The following PCDHGA3 variants were observed in gnomAD, a reference collection of about 807,000 sequenced individuals.
PCDHGA3 encodes the protein protocadherin gamma subfamily A, 3, also known as protocadherin gamma-A3.
Under a neutral mutation model 58.5 loss-of-function variants are expected in PCDHGA3, and 40 were observed. The observed-to-expected ratio is 0.68, with a 90% CI of 0.53 to 0.89. PCDHGA3 has a LOEUF of 0.89. Ranked by LOEUF, PCDHGA3 falls within the 40% of genes least tolerant of loss-of-function variation. The probability of loss-of-function intolerance (pLI) is 0.00; values close to 1 mark genes in which losing one functional copy is unlikely to be tolerated. For synonymous variants in PCDHGA3, 530 were observed against 525.7 expected (o/e 1.01, Z -0.11); for missense variants, 1,223 against 1,195.9 (o/e 1.02, Z -0.33).
At chr5:141,366,229 G>T in intron 1 of PCDHGA3, 1 of 1,613,808 alleles carries the variant, frequency 6.2e-7, no homozygotes, top group South Asian at 1.1e-5. Context: ...GAGCCCTGCT[G>T]GACAGAGACG....
rs780664832 is a variant in PCDHGA3 at position 141,422,982 on chromosome 5, T to C, written c.2425-71825T>C. On this transcript the variant is annotated intron_variant, in intron 1 of 3. Coordinates refer to ENST00000253812, the MANE Select transcript of PCDHGA3 (RefSeq NM_018916.4). ...AGCTGGCGCCCCGCTCTGCGGAACC[T>C]GGCTACCTGGTGACCAAGGTGGTTG... 2.5e-6 allele frequency: 4 copies of C among 1,614,206 alleles called. No individual in the cohort carries two copies. The South Asian group carries it at 4.4e-5, about 18-fold the overall frequency.
intron 1 of PCDHGA3, chr5:141,416,685 A>T (rs1292141199): frequency 1.3e-5 from 2 of 152,384 alleles, no homozygotes; most frequent in East Asian, 3.9e-4. Flanking sequence ...AAGGGAAATT[A>T]TATAAACAAA....
chr5:141,345,351 C>T lies in PCDHGA3; in HGVS notation c.1318C>T (p.Leu440=). The change falls in exon 1 of 4, where the codon CTG becomes TTG. Residue 440 remains leucine (L), a synonymous_variant. Coordinates refer to ENST00000253812, the MANE Select transcript of PCDHGA3 (RefSeq NM_018916.4). ...ACTGTCCACAGAAACTCACATCACC[C>T]TGCATGTGATTGACATCAATGACAA... The part of the protein sequence containing the change: ...PPLSTETHIT[L]HVIDINDNPP... 2.5e-6 allele frequency: 4 copies of T among 1,613,988 alleles called. No individual in the cohort carries two copies. The highest frequency in any genetic ancestry group is 3.4e-6 in the Non-Finnish European group (4 of 1,179,848).
At chr5:141,359,332 G>A (rs1761178840) in intron 1 of PCDHGA3, among the ~76,000 whole-genome samples, 1 of 152,092 alleles carries the variant, frequency 6.6e-6, no homozygotes, top group Non-Finnish European at 1.5e-5. Flanking sequence ...ATATATTCCA[G>A]AATGAGAGTG....
intron 1 of PCDHGA3, chr5:141,410,854 T>C: frequency 2.6e-6 from 1 of 387,418 alleles, no homozygotes; most frequent in Non-Finnish European, 4.2e-6. Flanking sequence ...TTTGTCTTTT[T>C]TTTTTTTTTT....
intron 1 of PCDHGA3, chr5:141,355,683 T>A: frequency 6.2e-7 from 1 of 1,614,012 alleles, no homozygotes; most frequent in Non-Finnish European, 8.5e-7. Context: ...TTGATCCGGA[T>A]GTAGGTGTAA....
intron 1 of PCDHGA3, among the ~76,000 whole-genome samples, chr5:141,467,707 G>A (rs1203906639): frequency 6.6e-6 from 1 of 152,140 alleles, no homozygotes; most frequent in Non-Finnish European, 1.5e-5. Flanking sequence ...TGTTGCCCAG[G>A]CTGGAGTGTA....
At chr5:141,445,427 C>G (rs964779092) in intron 1 of PCDHGA3, among the ~76,000 whole-genome samples, 4 of 152,152 alleles carry the variant, frequency 2.6e-5, no homozygotes, top group African/African-American at 9.7e-5. Flanking sequence ...ATATGCAAGG[C>G]ACTGACCTAT....
chr5:141,352,189 TG>T (rs1341737316), intron 1 of PCDHGA3: 2 of 1,613,696 alleles, frequency 1.2e-6, no homozygotes, highest in African/African-American at 2.7e-5. Flanking sequence ...TCGCTGTGCG[TG>T]ATGGAGGACA....
chr5:141,458,018 A>G (rs1361716104), intron 1 of PCDHGA3, among the ~76,000 whole-genome samples: 1 of 152,188 alleles, frequency 6.6e-6, no homozygotes, highest in Admixed American at 6.5e-5. Flanking sequence ...GGTTTTTCCA[A>G]TTGTGTTCTG....
chr5:141,405,856 C>T (rs1340012897), intron 1 of PCDHGA3, among the ~76,000 whole-genome samples: 1 of 152,096 alleles, frequency 6.6e-6, no homozygotes, highest in Non-Finnish European at 1.5e-5. Flanking sequence ...GTGTGTTTCT[C>T]ATCACTTTTC....
intron 1 of PCDHGA3, among the ~76,000 whole-genome samples, chr5:141,456,359 G>A (rs2098853225): frequency 6.6e-6 from 1 of 152,158 alleles, no homozygotes; most frequent in Non-Finnish European, 1.5e-5. Context: ...TGGCGTCCAT[G>A]TGTGGTTCAG....
At chr5:141,422,597 C>T in intron 1 of PCDHGA3, 1 of 1,614,102 alleles carries the variant, frequency 6.2e-7, no homozygotes, top group Non-Finnish European at 8.5e-7. Context: ...CCTCACTCCT[C>T]TTACTCTGCC....
chr5:141,427,481 C>G, intron 1 of PCDHGA3: 2 of 534,060 alleles, frequency 3.7e-6, no homozygotes, highest in Non-Finnish European at 7.2e-6. Flanking sequence ...CCAATAATGA[C>G]TATAAGCTTG....
At chr5:141,467,055 C>CTTTTTTTTTTTT (rs1193465269) in intron 1 of PCDHGA3, among the ~76,000 whole-genome samples, 1 of 134,498 alleles carries the variant, frequency 7.4e-6, no homozygotes. Context: ...TCAATGTTTT[C>CTTTTTTTTTTTT]TTTTTTTTTT....
chr5:141,400,682 G>C (rs778099324), intron 1 of PCDHGA3: 10 of 835,140 alleles, frequency 1.2e-5, no homozygotes, highest in Non-Finnish European at 1.7e-5. Context: ...AGTAAATTGT[G>C]AGTTTTTATG....
At chr5:141,377,830 G>A (rs981734715) in intron 1 of PCDHGA3, 2 of 152,172 alleles carry the variant, frequency 1.3e-5, no homozygotes, top group Admixed American at 6.5e-5. Flanking sequence ...AGTTACAATC[G>A]CCATTATCTT....
chr5:141,350,921 G>C, intron 1 of PCDHGA3: 3 of 1,614,062 alleles, frequency 1.9e-6, no homozygotes, highest in South Asian at 1.1e-5. Flanking sequence ...GCCTCTAAGC[G>C]GCACCACCCA....
chr5:141,489,084 C>A lies in PCDHGA3; in HGVS notation c.2425-5723C>A. On this transcript the variant is annotated intron_variant, in intron 1 of 3. Coordinates refer to ENST00000253812, the MANE Select transcript of PCDHGA3 (RefSeq NM_018916.4). The surrounding 1 kb of genome is among the most constrained non-coding windows in gnomAD (Gnocchi z 4.5). Reference sequence around the variant, plus strand: ...CTCCCCCCTGCCCACCCCCGCCACTCGGTGACTAAGAACTGCTGCAAGCAG... The same window carrying A: ...CTCCCCCCTGCCCACCCCCGCCACTAGGTGACTAAGAACTGCTGCAAGCAG... The A allele has an allele frequency of 9.1e-6, 3 of 329,124 alleles. No homozygotes were observed. The highest frequency in any genetic ancestry group is 1.1e-5 in the Non-Finnish European group (2 of 186,464). The allele number at this position is 329,124 out of a possible 1,614,324, so 20.4% of individuals were successfully genotyped here. A position where few individuals can be genotyped will look rare whatever the true frequency, so the allele number is the denominator to read the frequency against.
Sources: allele counts gnomAD v4.1 joint callset (sites outside exome capture counted in the v4.1 genomes callset), GRCh38; gene constraint gnomAD v4.1.1; non-coding constraint Gnocchi (gnomAD v3.1); transcripts MANE v1.5; gene names NCBI Gene and HGNC (gene_info 2026-07-23, HGNC 2026-07-21).